The following NELL1 variants were observed in gnomAD, a reference collection of about 807,000 sequenced individuals.
NELL1 encodes the protein neural EGFL like 1.
In NELL1, 76 loss-of-function variants were observed where a neutral mutation model predicts 107.4. That is an observed-to-expected ratio of 0.71 (90% CI 0.59 to 0.86). NELL1 has a LOEUF of 0.86. Ranked by LOEUF, NELL1 falls within the 40% of genes least tolerant of loss-of-function variation. The pLI, the probability that NELL1 is intolerant of heterozygous loss-of-function variation, is 0.00. For missense variants in NELL1, 1,024 were observed against 1,005.5 expected, an observed-to-expected ratio of 1.02 and a Z score of -0.25; for synonymous variants, 353 against 341.2, an observed-to-expected ratio of 1.03 and a Z score of -0.38.
At chr11:21,268,684 C>T (rs1000847080) in intron 14 of NELL1, among the ~76,000 whole-genome samples, 1 of 152,124 alleles carries the variant, frequency 6.6e-6, no homozygotes, top group East Asian at 1.9e-4. Flanking sequence ...AACTTCCCAC[C>T]ACATTACAAA....
intron 15 of NELL1, among the ~76,000 whole-genome samples, chr11:21,464,279 A>G (rs1291382356): frequency 6.6e-6 from 1 of 152,048 alleles, no homozygotes; most frequent in Admixed American, 6.6e-5. Flanking sequence ...ACATTTACTA[A>G]CACATTTCAC....
chr11:21,495,998 T>G (rs1268698336), intron 15 of NELL1, among the ~76,000 whole-genome samples: 2 of 152,128 alleles, frequency 1.3e-5, no homozygotes, highest in African/African-American at 4.8e-5. Context: ...GAACTTGTTA[T>G]TGCTTTCTAT....
chr11:21,445,356 C>A (rs930670134), intron 15 of NELL1, among the ~76,000 whole-genome samples: 1 of 135,838 alleles, frequency 7.4e-6, no homozygotes, highest in Admixed American at 7.4e-5. Context: ...GATGGAATTT[C>A]GCTCTTGCTG....
intron 15 of NELL1, among the ~76,000 whole-genome samples, chr11:21,398,665 A>C (rs1305334094): frequency 6.6e-6 from 1 of 151,750 alleles, no homozygotes; most frequent in East Asian, 2.0e-4. Context: ...TGTTCCTACC[A>C]ATGATCAGCT....
rs80016833 is a variant in NELL1, at chr11:21,500,427, C to T, written c.1646-33947C>T. On this transcript the variant is annotated intron_variant, in intron 15 of 19. Coordinates refer to ENST00000357134, the MANE Select transcript of NELL1 (RefSeq NM_006157.5). ...GTTTATGAGATCTAATGATTATGTA[C>T]CTCCAGGTTGTTAGCTCTCCGTGCA... 0.017 allele frequency among the ~76,000 whole-genome samples: 2,540 copies of T among 152,020 alleles called. 195 individuals are homozygous for T. The East Asian group carries it at 0.26, about 16-fold the overall frequency.
intron 15 of NELL1, among the ~76,000 whole-genome samples, chr11:21,515,981 A>T (rs7104588): frequency 6.6e-6 from 1 of 152,148 alleles, no homozygotes; most frequent in Middle Eastern, 3.4e-3. Context: ...TCCTGGAGAC[A>T]TACTTGTTTC....
chr11:21,364,787 G>T (rs1355691823), intron 14 of NELL1, among the ~76,000 whole-genome samples: 1 of 152,120 alleles, frequency 6.6e-6, no homozygotes, highest in Non-Finnish European at 1.5e-5. Context: ...TGTGCCTTAA[G>T]GTAACCAACA....
chr11:21,283,872 G>T (rs942577351), intron 14 of NELL1: 2 of 224,764 alleles, frequency 8.9e-6, no homozygotes, highest in African/African-American at 2.3e-5. Flanking sequence ...ATTTTACTTG[G>T]CTGTGAGATC....
intron 11 of NELL1, among the ~76,000 whole-genome samples, chr11:20,955,518 G>A (rs1851152820): frequency 6.6e-6 from 1 of 152,080 alleles, no homozygotes; most frequent in Non-Finnish European, 1.5e-5. Context: ...TTTTTATCTT[G>A]AAGTTGAGGA....
intron 3 of NELL1, among the ~76,000 whole-genome samples, chr11:20,802,651 T>C (rs1857303132): frequency 6.6e-6 from 1 of 152,200 alleles, no homozygotes; most frequent in African/African-American, 2.4e-5. Context: ...TTCCAGATAC[T>C]GGAGCAAAAG....
At chr11:20,833,828 G>A (rs1052611832) in intron 3 of NELL1, among the ~76,000 whole-genome samples, 9 of 152,104 alleles carry the variant, frequency 5.9e-5, no homozygotes, top group Admixed American at 4.6e-4. Context: ...GTAGTGGGAG[G>A]GATCGTGGTA....
chr11:21,362,284 C>A (rs892363668), intron 14 of NELL1, among the ~76,000 whole-genome samples: 1 of 152,130 alleles, frequency 6.6e-6, no homozygotes, highest in Non-Finnish European at 1.5e-5. Context: ...AGCCACCCAG[C>A]AGAGCTACCA....
At chr11:21,006,822 C>A (rs1410688430) in intron 12 of NELL1, among the ~76,000 whole-genome samples, 1 of 152,118 alleles carries the variant, frequency 6.6e-6, no homozygotes, top group Non-Finnish European at 1.5e-5. Context: ...TTGTCTCTGA[C>A]AACCCCACAG....
At chr11:21,055,857 G>A (rs1246663598) in intron 12 of NELL1, among the ~76,000 whole-genome samples, 3 of 151,976 alleles carry the variant, frequency 2.0e-5, no homozygotes, top group African/African-American at 7.2e-5. Context: ...ATGCTTTTTT[G>A]GTTATTCAAA....
At chr11:20,751,051 G>GTT (rs1564892906) in intron 2 of NELL1, among the ~76,000 whole-genome samples, 1 of 151,048 alleles carries the variant, frequency 6.6e-6, no homozygotes, top group African/African-American at 2.5e-5. Flanking sequence ...TTGTGTGTGT[G>GTT]TGTGTATATA....
chr11:20,953,704 T>C (rs1851112355), intron 11 of NELL1, among the ~76,000 whole-genome samples: 2 of 152,172 alleles, frequency 1.3e-5, no homozygotes, highest in Admixed American at 1.3e-4. Context: ...TTTGTACATA[T>C]CACGGGCCCA....
intron 2 of NELL1, among the ~76,000 whole-genome samples, chr11:20,725,555 CTG>C (rs1239447324): frequency 6.6e-6 from 1 of 152,170 alleles, no homozygotes; most frequent in Non-Finnish European, 1.5e-5. Context: ...ATGCATGAAT[CTG>C]GGGTTTTATA....
intron 13 of NELL1, among the ~76,000 whole-genome samples, chr11:21,208,535 G>C (rs1857435762): frequency 6.6e-6 from 1 of 151,846 alleles, no homozygotes; most frequent in African/African-American, 2.4e-5. Flanking sequence ...AGAGTTACTA[G>C]AAAGGAGGAA....
At chr11:20,995,815 C>T (rs1159388961) in intron 12 of NELL1, among the ~76,000 whole-genome samples, 3 of 152,106 alleles carry the variant, frequency 2.0e-5, no homozygotes, top group Non-Finnish European at 4.4e-5. Context: ...CTGTAAATCA[C>T]CTCCTTAGAG....
Sources: allele counts gnomAD v4.1 joint callset (sites outside exome capture counted in the v4.1 genomes callset), GRCh38; gene constraint gnomAD v4.1.1; transcripts MANE v1.5; gene names NCBI Gene and HGNC (gene_info 2026-07-23, HGNC 2026-07-21).